Variants in VPS13B observed in about 807,000 individuals in gnomAD.
VPS13B encodes intermembrane lipid transfer protein VPS13B.
Under a neutral mutation model 426.4 loss-of-function variants are expected in VPS13B, and 285 were observed. That is an observed-to-expected ratio of 0.67 (90% confidence interval 0.61 to 0.74). The LOEUF is 0.74. Among genes scored for constraint, VPS13B ranks in the 30% least tolerant of loss-of-function variants. The pLI is 0.00. For synonymous variants in VPS13B, 1,676 were observed against 1,676.4 expected (o/e 1.00, Z 0.01); for missense variants, 4,537 against 4,782.6 (o/e 0.95, Z 1.51).
intron 31 of VPS13B, among the ~76,000 whole-genome samples, chr8:99,557,509 GT>G (rs1351704972): frequency 6.6e-6 from 1 of 152,126 alleles, no homozygotes; most frequent in Non-Finnish European, 1.5e-5. Flanking sequence ...AGACCATGGT[GT>G]ATATATACCA....
chr8:99,638,350 G>T lies in VPS13B; in HGVS notation c.5221-3461G>T, dbSNP rs560253389. Among the ~76,000 whole-genome samples, 17 of 152,152 alleles carry T rather than the reference G, an allele frequency of 1.1e-4. No individual in the cohort carries two copies. The South Asian group carries it at 1.4e-3, about 13-fold the overall frequency. On this transcript the variant is annotated intron_variant, in intron 33 of 61. Transcript: ENST00000357162. Reference sequence around the variant, plus strand: ...GGAGATAGTAGTACTCCTCCTCAAAGAATTATAATGTTAGCTTATGTAATG... The same window carrying T: ...GGAGATAGTAGTACTCCTCCTCAAATAATTATAATGTTAGCTTATGTAATG...
rs1317923754 is a variant in VPS13B at position 99,425,024 on chromosome 8, G to T, written c.3083-6513G>T. Among the ~76,000 whole-genome samples, 4 of 152,156 alleles carry T rather than the reference G, an allele frequency of 2.6e-5. No individual in the cohort carries two copies. The South Asian group carries it at 8.3e-4, about 32-fold the overall frequency. On this transcript the variant is annotated intron_variant, in intron 21 of 61. Coordinates refer to ENST00000357162, the MANE Select transcript of VPS13B (RefSeq NM_152564.5). ...TCCAAGTCTAAACCAGGAAGAAGTT[G>T]CATCTCTGAATAGACCAATAACAGG... is the stretch of plus-strand genomic sequence containing the variant.
chr8:99,637,455 CAG>C (rs1180043479), intron 33 of VPS13B, among the ~76,000 whole-genome samples: 1 of 152,012 alleles, frequency 6.6e-6, no homozygotes, highest in Non-Finnish European at 1.5e-5. Context: ...CAATGAAAGC[CAG>C]AGTCTTTCAT....
At chr8:99,145,873 C>G (rs1296275119) in intron 13 of VPS13B, among the ~76,000 whole-genome samples, 1 of 152,164 alleles carries the variant, frequency 6.6e-6, no homozygotes, top group South Asian at 2.1e-4. Flanking sequence ...AAAGAAACTA[C>G]CAAGCTGTTT....
intron 19 of VPS13B, among the ~76,000 whole-genome samples, chr8:99,298,964 G>C (rs1392545585): frequency 6.6e-6 from 1 of 151,804 alleles, no homozygotes; most frequent in Non-Finnish European, 1.5e-5. Context: ...GGTTTTTGAT[G>C]GTCAGAAACA....
chr8:99,043,797 T>A (rs1843077855), intron 3 of VPS13B, among the ~76,000 whole-genome samples: 1 of 152,158 alleles, frequency 6.6e-6, no homozygotes, highest in Non-Finnish European at 1.5e-5. Context: ...CTGTCATCCT[T>A]ATTTCTGTTC....
intron 19 of VPS13B, among the ~76,000 whole-genome samples, chr8:99,331,442 A>C (rs932199244): frequency 6.6e-6 from 1 of 151,814 alleles, no homozygotes; most frequent in African/African-American, 2.4e-5. Flanking sequence ...AGAGCAGCCA[A>C]GATCCCTTTA....
intron 8 of VPS13B, among the ~76,000 whole-genome samples, chr8:99,131,928 T>C (rs574656174): frequency 1.3e-5 from 2 of 152,238 alleles, no homozygotes; most frequent in African/African-American, 4.8e-5. Context: ...ACAGAGCCTC[T>C]CTCTGTCACC....
At chr8:99,733,749 A>C (rs1252223715) in intron 39 of VPS13B, among the ~76,000 whole-genome samples, 4 of 152,232 alleles carry the variant, frequency 2.6e-5, no homozygotes, top group African/African-American at 9.6e-5. Context: ...CCTAGTTAAA[A>C]AAAATGAAAC....
chr8:99,755,985 C>T (rs879526516), intron 39 of VPS13B, among the ~76,000 whole-genome samples: 13 of 151,808 alleles, frequency 8.6e-5, no homozygotes, highest in South Asian at 2.1e-4. Flanking sequence ...GTTAAAAAAG[C>T]GATCAATAGA....
chr8:99,677,488 C>T (rs1163390938), intron 35 of VPS13B, among the ~76,000 whole-genome samples: 1 of 152,092 alleles, frequency 6.6e-6, no homozygotes, highest in Non-Finnish European at 1.5e-5. Context: ...ACGGAATGGA[C>T]CAAGAATTTT....
rs1563838980 is a variant in VPS13B at position 99,640,061 on chromosome 8, GAAAAGAAA to G, written c.5221-1748_5221-1741del. The stretch of plus-strand genomic sequence containing the variant: ...AGAAGAAGAAGAAGAGAAAAGAAAA[GAAAAGAAA>G]AGAAAAGAAAAGAAAAGAAAAGAAA... On this transcript the variant is annotated intron_variant, in intron 33 of 61. Coordinates refer to ENST00000357162, the MANE Select transcript of VPS13B (RefSeq NM_152564.5). Among the ~76,000 whole-genome samples, 797 of 108,428 alleles carry G rather than the reference GAAAAGAAA, an allele frequency of 7.4e-3. 25 individuals carry two copies. The highest frequency in any genetic ancestry group is 9.3e-3 in the Non-Finnish European group (494 of 53,272). 71.1% of individuals were successfully genotyped at this position (108,428 alleles called of 152,430 possible). A position where few individuals can be genotyped will look rare whatever the true frequency, so the allele number is the denominator to read the frequency against.
At chr8:99,529,206 C>CTCCTTA (rs1230658459) in intron 30 of VPS13B, among the ~76,000 whole-genome samples, 4 of 152,064 alleles carry the variant, frequency 2.6e-5, no homozygotes, top group Non-Finnish European at 5.9e-5. Flanking sequence ...TGGTAACCAC[C>CTCCTTA]TCCTTACCCT....
chr8:99,616,756 C>T (rs566053123), intron 33 of VPS13B, among the ~76,000 whole-genome samples: 1 of 152,256 alleles, frequency 6.6e-6, no homozygotes, highest in South Asian at 2.1e-4. Flanking sequence ...ACCCGGGAGG[C>T]CGAAGTTGCG....
intron 35 of VPS13B, among the ~76,000 whole-genome samples, chr8:99,692,810 A>G (rs1413324209): frequency 2.7e-5 from 4 of 147,814 alleles, no homozygotes; most frequent in African/African-American, 1.0e-4. Flanking sequence ...AGACTTATAA[A>G]GAAAAAAAGA....
At chr8:99,850,940 A>G (rs1410793356) in intron 55 of VPS13B, among the ~76,000 whole-genome samples, 3 of 152,158 alleles carry the variant, frequency 2.0e-5, no homozygotes, top group African/African-American at 4.8e-5. Flanking sequence ...AAAAAACAAA[A>G]CAAAACAACA....
intron 34 of VPS13B, among the ~76,000 whole-genome samples, chr8:99,656,186 C>G (rs1248933843): frequency 2.6e-5 from 4 of 152,198 alleles, no homozygotes; most frequent in African/African-American, 9.6e-5. Context: ...ATTATTACAG[C>G]TTTGTCAATA....
chr8:99,180,993 G>A (rs1482307650), intron 16 of VPS13B, among the ~76,000 whole-genome samples: 1 of 152,148 alleles, frequency 6.6e-6, no homozygotes. Context: ...CTTTTCTGCT[G>A]TACAGCTTGA....
intron 19 of VPS13B, among the ~76,000 whole-genome samples, chr8:99,331,792 A>T (rs553827299): frequency 6.6e-6 from 1 of 151,874 alleles, no homozygotes; most frequent in South Asian, 2.1e-4. Context: ...AATTTAATTT[A>T]AAGTATTGCA....
Sources: allele counts gnomAD v4.1 joint callset (sites outside exome capture counted in the v4.1 genomes callset), GRCh38; gene constraint gnomAD v4.1.1; transcripts MANE v1.5; gene names NCBI Gene and HGNC (gene_info 2026-07-23, HGNC 2026-07-21).